Variants in DNAI2 observed in about 807,000 individuals in gnomAD.
The protein encoded by DNAI2 is dynein, axonemal, intermediate polypeptide 2.
DNAI2 carries 63 observed loss-of-function variants against 74.7 expected under a neutral mutation model. That is an observed-to-expected ratio of 0.84 (90% CI 0.69 to 1.04). The LOEUF is 1.04. DNAI2 is among the 50% of genes least tolerant of loss of function. The pLI, the probability that DNAI2 is intolerant of heterozygous loss-of-function variation, is 0.00. For missense variants in DNAI2, 688 were observed against 803.2 expected (o/e 0.86, Z 1.73); for synonymous variants, 289 against 314.9 (o/e 0.92, Z 0.87).
At chr17:74,278,709 G>A (rs962321495) in intron 1 of DNAI2, among the ~76,000 whole-genome samples, 3 of 152,006 alleles carry the variant, frequency 2.0e-5, no homozygotes, top group Non-Finnish European at 2.9e-5. Flanking sequence ...CGCAGGAGGC[G>A]GAGGTTGCAG....
chr17:74,290,311 A>T (rs916957653), intron 5 of DNAI2, among the ~76,000 whole-genome samples: 1 of 152,150 alleles, frequency 6.6e-6, no homozygotes, highest in South Asian at 2.1e-4. Flanking sequence ...GTGAGACTCT[A>T]TCTCAACAGC....
chr17:74,294,611 C>T (rs765446000), intron 6 of DNAI2, among the ~76,000 whole-genome samples: 1 of 152,184 alleles, frequency 6.6e-6, no homozygotes, highest in Non-Finnish European at 1.5e-5. Context: ...CCACCACACT[C>T]AACTTAAGCT....
chr17:74,299,980 C>G, intron 7 of DNAI2, 123 bp downstream of exon 7: 1 of 1,425,616 alleles, frequency 7.0e-7, no homozygotes, highest in Non-Finnish European at 9.5e-7. Flanking sequence ...TGGAGTTTCA[C>G]TCTTGTTGCC....
chr17:74,290,171 T>C (rs2052001075), intron 5 of DNAI2, among the ~76,000 whole-genome samples: 1 of 152,176 alleles, frequency 6.6e-6, no homozygotes, highest in Admixed American at 6.5e-5. Context: ...CAAAAATTAG[T>C]TGTGCTTGAT....
chr17:74,289,445 T>TG, intron 4 of DNAI2, 149 bp from the exon 5 acceptor site: 1 of 981,414 alleles, frequency 1.0e-6, no homozygotes, highest in Non-Finnish European at 1.5e-6. Flanking sequence ...GAGAATTGTT[T>TG]GAACCCAGGA....
At chr17:74,290,912 C>G in intron 5 of DNAI2, 108 bp from the exon 6 acceptor site, 1 of 948,290 alleles carries the variant, frequency 1.1e-6, no homozygotes, top group Non-Finnish European at 1.7e-6. Context: ...TCCAGGCTTC[C>G]CCCTCTGCCA....
intron 6 of DNAI2, among the ~76,000 whole-genome samples, chr17:74,299,178 C>T (rs1240312689): frequency 1.3e-5 from 2 of 152,158 alleles, no homozygotes; most frequent in African/African-American, 2.4e-5. Context: ...AATAACAGAT[C>T]ACAGTAAAGG....
chr17:74,296,391 G>A (rs2052447497), intron 6 of DNAI2, among the ~76,000 whole-genome samples: 2 of 150,916 alleles, frequency 1.3e-5, no homozygotes, highest in Non-Finnish European at 3.0e-5. Context: ...GAGAGAGAGA[G>A]AGAGAGAGAA....
intron 8 of DNAI2, among the ~76,000 whole-genome samples, chr17:74,304,522 G>T (rs1042318006): frequency 1.3e-5 from 2 of 152,182 alleles, no homozygotes; most frequent in South Asian, 2.1e-4. Context: ...GATGGAGGGG[G>T]TCATGCTCAG....
chr17:74,284,405 T>C (rs1210241803), intron 2 of DNAI2, among the ~76,000 whole-genome samples: 1 of 152,088 alleles, frequency 6.6e-6, no homozygotes, highest in Non-Finnish European at 1.5e-5. Context: ...CTATTCACTT[T>C]TTCTTTTTTC....
intron 8 of DNAI2, among the ~76,000 whole-genome samples, chr17:74,304,921 G>T (rs951290435): frequency 1.3e-5 from 2 of 152,116 alleles, no homozygotes; most frequent in African/African-American, 4.8e-5. Context: ...CAAATGCATC[G>T]AGGACACAGT....
chr17:74,295,519 A>G (rs1223889819), intron 6 of DNAI2, among the ~76,000 whole-genome samples: 2 of 152,178 alleles, frequency 1.3e-5, no homozygotes, highest in Admixed American at 6.5e-5. Flanking sequence ...GAACATGTTT[A>G]GCATAGCTGA....
Position 74,285,196 on chromosome 17 carries a change from G to T in DNAI2, c.340G>T (p.Gly114Cys), listed in dbSNP as rs764225804. 11 of 1,613,860 alleles carry T rather than the reference G, an allele frequency of 6.8e-6. No individual in the cohort carries two copies. In the African/African-American group the frequency reaches 1.2e-4, roughly 18 times the overall value. ...ENYVNAIMQL[G>C]SIMEHCIKQN... Reference sequence around the variant, plus strand: ...CTACGTTAACGCCATCATGCAGCTCGGCTCTGTAAGGCTTCCTCCTGCCCC... The same window carrying T: ...CTACGTTAACGCCATCATGCAGCTCTGCTCTGTAAGGCTTCCTCCTGCCCC... Residue 114 changes from glycine to cysteine, a missense_variant, in exon 3 of 14, where the codon GGC becomes TGC. Transcript: ENST00000311014.
intron 5 of DNAI2, among the ~76,000 whole-genome samples, chr17:74,290,658 A>G (rs1187174392): frequency 6.6e-6 from 1 of 152,148 alleles, no homozygotes; most frequent in African/African-American, 2.4e-5. Context: ...CATTATCTGC[A>G]GTCCACAGAC....
At position 74,305,451 on chromosome 17, in the gene DNAI2, C is replaced by T. The variant is rs1303264941; in HGVS notation, c.1211+9C>T. ...TCCATCATGTGGACCAAGTAAGAGG[C>T]GATGCTGGGGACAGGAGGGGATGCA... On this transcript the variant is annotated intron_variant, in intron 9 of 13. Coordinates refer to ENST00000311014, the MANE Select transcript of DNAI2 (RefSeq NM_023036.6). The T allele has an allele frequency of 1.2e-5, 19 of 1,612,696 alleles. No individual in the cohort carries two copies. The highest frequency in any genetic ancestry group is 1.4e-5 in the Non-Finnish European group (17 of 1,179,214).
chr17:74,298,171 C>T (rs1172432213), intron 6 of DNAI2, among the ~76,000 whole-genome samples: 1 of 152,228 alleles, frequency 6.6e-6, no homozygotes, highest in Non-Finnish European at 1.5e-5. Flanking sequence ...CATGCCAGCT[C>T]ATACCAGCCC....
At chr17:74,301,639 A>T (rs1395686505) in intron 8 of DNAI2, among the ~76,000 whole-genome samples, 1 of 151,536 alleles carries the variant, frequency 6.6e-6, no homozygotes, top group Non-Finnish European at 1.5e-5. Flanking sequence ...CCAGAGCACA[A>T]GCATGGTCTC....
chr17:74,302,946 G>A (rs1057164922), intron 8 of DNAI2, among the ~76,000 whole-genome samples: 3 of 152,220 alleles, frequency 2.0e-5, no homozygotes, highest in Non-Finnish European at 2.9e-5. Context: ...CAGGGAGGTT[G>A]GGGTGGCGAG....
In DNAI2 at chr17:74,301,231, G is replaced by A. The variant is rs2052743498; in HGVS notation, c.987+63G>A. On this transcript the variant is annotated intron_variant, in intron 8 of 13. Coordinates refer to ENST00000311014, the MANE Select transcript of DNAI2 (RefSeq NM_023036.6). ...GACAGGGCAGCCAGGGCTAAAGACA[G>A]GCCATTGCTAGGATATCAGGTGCTC... The A allele has an allele frequency of 5.0e-6, 8 of 1,606,268 alleles. No homozygotes were observed. In the South Asian group the frequency reaches 5.5e-5, roughly 11 times the overall value.
Sources: gnomAD v4.1 joint callset for allele counts (sites outside exome capture counted in the v4.1 genomes callset) on GRCh38, gnomAD v4.1.1 for gene constraint, MANE v1.5 for transcripts, NCBI Gene and HGNC (gene_info 2026-07-23, HGNC 2026-07-21) for gene names.